Variants in GDF7 observed in about 807,000 individuals in gnomAD.
GDF7 encodes growth/differentiation factor 7.
A neutral mutation model predicts 13.4 loss-of-function variants in GDF7; 12 were observed. That is an observed-to-expected ratio of 0.90 (90% CI 0.57 to 1.45). GDF7 has a LOEUF of 1.45. Ranked by LOEUF, GDF7 falls within the 40% of genes most tolerant of loss-of-function variation. The pLI is 0.00. For synonymous variants in GDF7, 330 were observed against 306.4 expected, an observed-to-expected ratio of 1.08 and a Z score of -0.80; for missense variants, 651 against 652.4, an observed-to-expected ratio of 1.00 and a Z score of 0.02.
In GDF7 at chr2:20,667,626, C is replaced by G. The variant is rs1695990438; in HGVS notation, c.387C>G (p.Thr129=). 1.3e-6 allele frequency: 2 copies of G among 1,494,776 alleles called. No homozygotes were observed. The highest frequency in any genetic ancestry group is 5.4e-5 in the East Asian group (2 of 37,006). 92.6% of individuals were successfully genotyped at this position (1,494,776 alleles called of 1,614,324 possible). A position where few individuals can be genotyped will look rare whatever the true frequency, so the allele number is the denominator to read the frequency against. The change falls in exon 1 of 2, where the codon ACC becomes ACG. Residue 129 remains threonine (T), a synonymous_variant. Coordinates refer to ENST00000272224, the MANE Select transcript of GDF7 (RefSeq NM_182828.4). The surrounding 1 kb of genome is among the most constrained non-coding windows in gnomAD (Gnocchi z 6.4). ...DTITGFTDQA[T]QDESAAETGQ... is the part of the protein sequence containing the mutation. ...TCACCGGCTTCACAGACCAGGCGAC[C>G]CAAGGTACTTACGCCTCTTCTGTGC...
chr2:20,668,514 G>A (rs539746297), intron 1 of GDF7, among the ~76,000 whole-genome samples: 2 of 152,342 alleles, frequency 1.3e-5, no homozygotes, highest in South Asian at 2.1e-4. Context: ...AATTTCAGGC[G>A]GAAATGCAAG....
Position 20,670,630 on chromosome 2 carries a change from G to A in GDF7, c.558G>A (p.Pro186=), listed in dbSNP as rs775247606. Residue 186 remains proline, a synonymous_variant, in exon 2 of 2, where the codon CCG becomes CCA. Coordinates refer to ENST00000272224, the MANE Select transcript of GDF7 (RefSeq NM_182828.4). Reference sequence around the variant, plus strand: ...CGTTGCTGCTGCTGTCCACGTGCCCGGGCGCCGCCCGAGCGCCACGCCTGC... The same window carrying A: ...CGTTGCTGCTGCTGTCCACGTGCCCAGGCGCCGCCCGAGCGCCACGCCTGC... The part of the protein sequence containing the change: ...SPPLLLLSTC[P]GAARAPRLLY... 8 of 1,567,454 alleles carry A rather than the reference G, an allele frequency of 5.1e-6. No individual in the cohort carries two copies. Among genetic ancestry groups the A allele is most frequent in the East Asian group, 4.7e-5 (2 of 42,260 alleles).
Position 20,672,143 on chromosome 2 carries a change from TTTA to T in GDF7, c.*719_*721del, listed in dbSNP as rs1662138700. The T allele has an allele frequency of 6.6e-6, 1 of 151,024 alleles. No individual in the cohort carries two copies. The highest frequency in any genetic ancestry group is 2.1e-4 in the South Asian group (1 of 4,786). 9.4% of individuals were successfully genotyped at this position (151,024 alleles called of 1,614,324 possible). A position where few individuals can be genotyped will look rare whatever the true frequency, so the allele number is the denominator to read the frequency against. On this transcript the variant is annotated 3_prime_UTR_variant, in exon 2 of 2. Coordinates refer to ENST00000272224, the MANE Select transcript of GDF7 (RefSeq NM_182828.4). ...CCCCCCCGCCTTTTTTTTTTTTTTT[TTTA>T]ATCAATTCCAATAGGAAATGTTATG... is the stretch of plus-strand genomic sequence containing the variant.
Position 20,672,843 on chromosome 2 carries a change from G to A in GDF7, c.*1418G>A, listed in dbSNP as rs1404955536. 1 of 152,206 alleles carries A rather than the reference G, an allele frequency of 6.6e-6. No homozygotes were observed. The highest frequency in any genetic ancestry group is 1.5e-5 in the Non-Finnish European group (1 of 68,032). 9.4% of individuals were successfully genotyped at this position (152,206 alleles called of 1,614,324 possible). A position where few individuals can be genotyped will look rare whatever the true frequency, so the allele number is the denominator to read the frequency against. On this transcript the variant is annotated 3_prime_UTR_variant, in exon 2 of 2. Coordinates refer to ENST00000272224, the MANE Select transcript of GDF7 (RefSeq NM_182828.4). ...TTTCTAGGCATGTAAAAGTGAGTTC[G>A]AACATTCAGACTTCACTGTTTGATT...
Position 20,667,542 on chromosome 2 carries a change from G to T in GDF7, c.303G>T (p.Gly101=). ...TGTCGCTTTACCGGAGCCTGGCCGG[G>T]AGGGCTCCGGCCGGGGCAGCCGCTG... ...FMMSLYRSLA[G]RAPAGAAAVS... is the part of the protein sequence containing the mutation. The change falls in exon 1 of 2, where the codon GGG becomes GGT. Residue 101 remains glycine, a synonymous_variant. Transcript: ENST00000272224. This position sits in a 1 kb window ranked among gnomAD's most constrained non-coding sequence, Gnocchi z 6.4. 2 of 1,461,846 alleles carry T rather than the reference G, an allele frequency of 1.4e-6. No homozygotes were observed. The highest frequency in any genetic ancestry group is 1.8e-6 in the Non-Finnish European group (2 of 1,112,888). 90.6% of individuals were successfully genotyped at this position (1,461,846 alleles called of 1,614,324 possible).
chr2:20,677,731 A>G lies in GDF7; in HGVS notation c.*6306A>G, dbSNP rs1245216035. ...GGAAGCGACAGCACCGAAGCTGGTGAGCTGGTGCAACTGCACACACCTTTT... is the reference window on the plus strand; with the variant it reads ...GGAAGCGACAGCACCGAAGCTGGTGGGCTGGTGCAACTGCACACACCTTTT... On this transcript the variant is annotated 3_prime_UTR_variant, in exon 2 of 2. Transcript: ENST00000272224. The G allele has an allele frequency of 6.6e-6, 1 of 152,260 alleles. No homozygotes were observed. The highest frequency in any genetic ancestry group is 1.5e-5 in the Non-Finnish European group (1 of 68,066). 9.4% of individuals were successfully genotyped at this position (152,260 alleles called of 1,614,324 possible).
rs546101577 is a variant in GDF7, at chr2:20,673,562, TG to T, written c.*2138del. On this transcript the variant is annotated 3_prime_UTR_variant, in exon 2 of 2. Coordinates refer to ENST00000272224, the MANE Select transcript of GDF7 (RefSeq NM_182828.4). The stretch of plus-strand genomic sequence containing the variant: ...AAGTTAATGACAAAGTGCAGTTAAA[TG>T]TTATTTTGAGGAAGGTCTGGGGTAT... 3 of 152,350 alleles carry T rather than the reference TG, an allele frequency of 2.0e-5. No homozygotes were observed. In the South Asian group the frequency reaches 6.2e-4, roughly 32 times the overall value. 9.4% of individuals were successfully genotyped at this position (152,350 alleles called of 1,614,324 possible). A position where few individuals can be genotyped will look rare whatever the true frequency, so the allele number is the denominator to read the frequency against.
At position 20,676,388 on chromosome 2, in the gene GDF7, T is replaced by C. The variant is rs1337653407; in HGVS notation, c.*4963T>C. 5 of 152,418 alleles carry C rather than the reference T, an allele frequency of 3.3e-5. No homozygotes were observed. The highest frequency in any genetic ancestry group is 2.1e-4 in the South Asian group (1 of 4,830). The allele number at this position is 152,418 out of a possible 1,614,324, so 9.4% of individuals were successfully genotyped here. A position where few individuals can be genotyped will look rare whatever the true frequency, so the allele number is the denominator to read the frequency against. On this transcript the variant is annotated 3_prime_UTR_variant, in exon 2 of 2. Coordinates refer to ENST00000272224, the MANE Select transcript of GDF7 (RefSeq NM_182828.4). ...TCTTGTACCTGGAACCTCCTGACCATGTAGGCTGCAGCACAGCTGTCTTCC... is the reference window on the plus strand; with the variant it reads ...TCTTGTACCTGGAACCTCCTGACCACGTAGGCTGCAGCACAGCTGTCTTCC...
rs961813279 is a variant in GDF7, at chr2:20,673,475, A to G, written c.*2050A>G. 2.6e-5 allele frequency: 4 copies of G among 152,214 alleles called. No individual in the cohort carries two copies. The highest frequency in any genetic ancestry group is 2.6e-4 in the Admixed American group (4 of 15,284). The allele number at this position is 152,214 out of a possible 1,614,324, so 9.4% of individuals were successfully genotyped here. On this transcript the variant is annotated 3_prime_UTR_variant, in exon 2 of 2. Transcript: ENST00000272224. ...TAAAATGAAGCTTGTCATAATGAAGAATTATATATTAAAAAAAGCACTGAA... is the reference window on the plus strand; with the variant it reads ...TAAAATGAAGCTTGTCATAATGAAGGATTATATATTAAAAAAAGCACTGAA...
In GDF7 at chr2:20,670,808, G is replaced by C. The variant is rs994467782; in HGVS notation, c.736G>C (p.Ala246Pro). 1.3e-6 allele frequency: 2 copies of C among 1,492,398 alleles called. No individual in the cohort carries two copies. The highest frequency in any genetic ancestry group is 2.9e-5 in the African/African-American group (2 of 69,114). 92.4% of individuals were successfully genotyped at this position (1,492,398 alleles called of 1,614,324 possible). Reference sequence around the variant, plus strand: ...GGCAGGCCCGGTGCCGAGCCCGTTGGCACTGCGGCGGCTGGGCTTCGGCTG... The same window carrying C: ...GGCAGGCCCGGTGCCGAGCCCGTTGCCACTGCGGCGGCTGGGCTTCGGCTG... ...AVAGPVPSPL[A>P]LRRLGFGWPG... Residue 246 changes from alanine to proline, a missense_variant, in exon 2 of 2, where the codon GCA (alanine) becomes CCA (proline). This residue lies in a region of GDF7 where 487 missense variants were observed against 445.9 expected (regional missense o/e 1.09). Coordinates refer to ENST00000272224, the MANE Select transcript of GDF7 (RefSeq NM_182828.4).
In GDF7 at chr2:20,677,082, A is replaced by G. The variant is rs1198260828; in HGVS notation, c.*5657A>G. The stretch of plus-strand genomic sequence containing the variant: ...CTTCCGGAGAGAGGTGTTTCTGTGC[A>G]GTCAGGTGAATTTGTTGGCAGGACA... On this transcript the variant is annotated 3_prime_UTR_variant, in exon 2 of 2. Coordinates refer to ENST00000272224, the MANE Select transcript of GDF7 (RefSeq NM_182828.4). 2.6e-5 allele frequency: 4 copies of G among 152,194 alleles called. No homozygotes were observed. Among genetic ancestry groups the G allele is most frequent in the Non-Finnish European group, 5.9e-5 (4 of 68,026 alleles). 9.4% of individuals were successfully genotyped at this position (152,194 alleles called of 1,614,324 possible). A position where few individuals can be genotyped will look rare whatever the true frequency, so the allele number is the denominator to read the frequency against.
In GDF7 at chr2:20,670,549, G is replaced by A. The variant is rs1186915429; in HGVS notation, c.477G>A (p.Leu159=). ...NDADEVVGAE[L]RVLRRGSPES... Reference sequence around the variant, plus strand: ...CAGACGAGGTGGTGGGTGCCGAGCTGCGCGTGCTGCGCCGGGGATCTCCAG... The same window carrying A: ...CAGACGAGGTGGTGGGTGCCGAGCTACGCGTGCTGCGCCGGGGATCTCCAG... Residue 159 remains leucine, a synonymous_variant, in exon 2 of 2, where the codon CTG becomes CTA. Coordinates refer to ENST00000272224, the MANE Select transcript of GDF7 (RefSeq NM_182828.4). 6 of 1,607,160 alleles carry A rather than the reference G, an allele frequency of 3.7e-6. No individual in the cohort carries two copies. Among genetic ancestry groups the A allele is most frequent in the Middle Eastern group, 1.7e-4 (1 of 6,040 alleles).
In GDF7 at chr2:20,670,772, C is replaced by T. The variant is rs184953707; in HGVS notation, c.700C>T (p.Leu234=). ...CCCCCCCCGCGCGTTCTGCCTCTTG[C>T]TGCGCGCAGTGGCAGGCCCGGTGCC... ...PRPPRAFCLL[L]RAVAGPVPSP... is the part of the protein sequence containing the mutation. Residue 234 remains leucine (L), a synonymous_variant, in exon 2 of 2, where the codon CTG becomes TTG. Transcript: ENST00000272224. 3.3e-6 allele frequency: 5 copies of T among 1,492,916 alleles called. No homozygotes were observed. The African/African-American group carries it at 7.3e-5, about 22-fold the overall frequency. 92.5% of individuals were successfully genotyped at this position (1,492,916 alleles called of 1,614,324 possible).
chr2:20,667,351 C>G lies in GDF7; in HGVS notation c.112C>G (p.Arg38Gly), dbSNP rs1695980491. 1 of 731,246 alleles carries G rather than the reference C, an allele frequency of 1.4e-6. No homozygotes were observed. The highest frequency in any genetic ancestry group is 6.1e-5 in the South Asian group (1 of 16,310). 45.3% of individuals were successfully genotyped at this position (731,246 alleles called of 1,614,324 possible). A position where few individuals can be genotyped will look rare whatever the true frequency, so the allele number is the denominator to read the frequency against. ...GCGAGCGGCGGGGGCTGGGCCGGTC[C>G]GGAGCCCAGGGGGCGGCGGCGGCGG... ...VLRAAGAGPV[R>G]SPGGGGGGGG... Residue 38 changes from arginine to glycine, a missense_variant, in exon 1 of 2, where the codon CGG becomes GGG. This residue lies in a region of GDF7 where 61 missense variants were observed against 50.5 expected (regional missense o/e 1.21). Transcript: ENST00000272224. This position sits in a 1 kb window ranked among gnomAD's most constrained non-coding sequence, Gnocchi z 6.4.
rs1286902649 is a variant in GDF7 at position 20,667,506 on chromosome 2, C to T, written c.267C>T (p.His89=). ...TCAGGAACGGCTCGGTGGTGCCGCA[C>T]CACTTCATGATGTCGCTTTACCGGA... ...SGFRNGSVVP[H]HFMMSLYRSL... The change falls in exon 1 of 2, where the codon CAC becomes CAT. Residue 89 remains histidine, a synonymous_variant. Coordinates refer to ENST00000272224, the MANE Select transcript of GDF7 (RefSeq NM_182828.4). This position sits in a 1 kb window ranked among gnomAD's most constrained non-coding sequence, Gnocchi z 6.4. 1.2e-5 allele frequency: 16 copies of T among 1,376,756 alleles called. No individual in the cohort carries two copies. Among genetic ancestry groups the T allele is most frequent in the Non-Finnish European group, 1.5e-5 (16 of 1,068,512 alleles). 85.3% of individuals were successfully genotyped at this position (1,376,756 alleles called of 1,614,324 possible).
chr2:20,667,335 G>C lies in GDF7; in HGVS notation c.96G>C (p.Ala32=). The part of the protein sequence containing the change: ...GLEAAAVLRA[A]GAGPVRSPGG... ...AAGCGGCCGCCGTGCTGCGAGCGGCGGGGGCTGGGCCGGTCCGGAGCCCAG... is the reference window on the plus strand; with the variant it reads ...AAGCGGCCGCCGTGCTGCGAGCGGCCGGGGCTGGGCCGGTCCGGAGCCCAG... Residue 32 remains alanine, a synonymous_variant, in exon 1 of 2, where the codon GCG becomes GCC. Transcript: ENST00000272224. The surrounding 1 kb of genome is among the most constrained non-coding windows in gnomAD (Gnocchi z 6.4). 1 of 1,051,476 alleles carries C rather than the reference G, an allele frequency of 9.5e-7. No homozygotes were observed. Among genetic ancestry groups the C allele is most frequent in the Non-Finnish European group, 1.1e-6 (1 of 876,800 alleles). 65.1% of individuals were successfully genotyped at this position (1,051,476 alleles called of 1,614,324 possible).
rs879112944 is a variant in GDF7, at chr2:20,672,515, C to G, written c.*1090C>G. 2 of 152,264 alleles carry G rather than the reference C, an allele frequency of 1.3e-5. No individual in the cohort carries two copies. The highest frequency in any genetic ancestry group is 4.1e-4 in the South Asian group (2 of 4,834). The allele number at this position is 152,264 out of a possible 1,614,324, so 9.4% of individuals were successfully genotyped here. A position where few individuals can be genotyped will look rare whatever the true frequency, so the allele number is the denominator to read the frequency against. On this transcript the variant is annotated 3_prime_UTR_variant, in exon 2 of 2. Transcript: ENST00000272224. ...TAGGCGGAAGCTCCCGGGGCCGACT[C>G]GGGCTTGTGCTAGTTATCAAGTAAG...
At position 20,672,778 on chromosome 2, in the gene GDF7, T is replaced by A. The variant is rs1662153184; in HGVS notation, c.*1353T>A. On this transcript the variant is annotated 3_prime_UTR_variant, in exon 2 of 2. Coordinates refer to ENST00000272224, the MANE Select transcript of GDF7 (RefSeq NM_182828.4). ...GAGCAGAGGTGGAATATCCCCCAGTTCCCTTATTTGGCCCCAAAGGGTCTT... is the reference window on the plus strand; with the variant it reads ...GAGCAGAGGTGGAATATCCCCCAGTACCCTTATTTGGCCCCAAAGGGTCTT... 1 of 152,236 alleles carries A rather than the reference T, an allele frequency of 6.6e-6. No homozygotes were observed. Among genetic ancestry groups the A allele is most frequent in the Non-Finnish European group, 1.5e-5 (1 of 68,050 alleles). The allele number at this position is 152,236 out of a possible 1,614,324, so 9.4% of individuals were successfully genotyped here.
chr2:20,671,023 C>T lies in GDF7; in HGVS notation c.951C>T (p.Arg317=), dbSNP rs1292215267. The T allele has an allele frequency of 5.2e-6, 8 of 1,533,244 alleles. No homozygotes were observed. The highest frequency in any genetic ancestry group is 6.1e-6 in the Non-Finnish European group (7 of 1,142,030). 95.0% of individuals were successfully genotyped at this position (1,533,244 alleles called of 1,614,324 possible). ...CGCCAAGGGCAGTCATTGGCGGCCG[C>T]AGACGGAGGAGGACGGCGTTGGCCG... The part of the protein sequence containing the change: ...TASPRAVIGG[R]RRRRTALAGT... Residue 317 remains arginine, a synonymous_variant, in exon 2 of 2, where the codon CGC becomes CGT. Coordinates refer to ENST00000272224, the MANE Select transcript of GDF7 (RefSeq NM_182828.4).
Sources: gnomAD v4.1 joint callset for allele counts (sites outside exome capture counted in the v4.1 genomes callset) on GRCh38, gnomAD v4.1.1 for gene constraint, gnomAD v4.1.1 regional missense constraint, Gnocchi (gnomAD v3.1) non-coding constraint, MANE v1.5 for transcripts, NCBI Gene and HGNC (gene_info 2026-07-23, HGNC 2026-07-21) for gene names.